Variants in ZNF780B observed in about 807,000 individuals in gnomAD.
ZNF780B encodes the protein zinc finger protein 780B, also known as zinc finger protein 779.
Under a neutral mutation model 74.1 loss-of-function variants are expected in ZNF780B, and 52 were observed. The ratio of observed to expected loss-of-function variants is 0.70; its 90% CI spans 0.56 to 0.88. The LOEUF is 0.88. Ranked by LOEUF, ZNF780B falls within the 40% of genes least tolerant of loss-of-function variation. ZNF780B has a pLI of 0.00. For synonymous variants in ZNF780B, 315 were observed against 324.3 expected (o/e 0.97, Z 0.31); for missense variants, 953 against 1,007.6 (o/e 0.95, Z 0.73).
intron 4 of ZNF780B, among the ~76,000 whole-genome samples, chr19:40,045,920 G>A (rs538196639): frequency 3.3e-5 from 5 of 152,108 alleles, no homozygotes; most frequent in African/African-American, 4.8e-5. Flanking sequence ...CCCAGGAGGT[G>A]GAGGTTGCAG....
Position 40,032,333 on chromosome 19 carries a change from GAGCATACTTTC to G in ZNF780B, c.*2013_*2023del, listed in dbSNP as rs1972037727. ...GATTCTGATACCCACCATAATTTGA[GAGCATACTTTC>G]ATGGGGTTTCCATGCTACAATACAC... On this transcript the variant is annotated 3_prime_UTR_variant, in exon 5 of 5. Coordinates refer to ENST00000434248, the MANE Select transcript of ZNF780B (RefSeq NM_001005851.3). 3 of 378,570 alleles carry G rather than the reference GAGCATACTTTC, an allele frequency of 7.9e-6. No individual in the cohort carries two copies. Among genetic ancestry groups the G allele is most frequent in the Non-Finnish European group, 1.5e-5 (3 of 195,816 alleles). 23.5% of individuals were successfully genotyped at this position (378,570 alleles called of 1,614,324 possible). A position where few individuals can be genotyped will look rare whatever the true frequency, so the allele number is the denominator to read the frequency against.
At chr19:40,051,491 A>G (rs1481999458) in intron 1 of ZNF780B, among the ~76,000 whole-genome samples, 1 of 152,192 alleles carries the variant, frequency 6.6e-6, no homozygotes, top group East Asian at 1.9e-4. Flanking sequence ...GTATGTTAGT[A>G]CAATTTCTAA....
At chr19:40,039,752 A>G (rs1172429633) in intron 4 of ZNF780B, among the ~76,000 whole-genome samples, 1 of 152,194 alleles carries the variant, frequency 6.6e-6, no homozygotes, top group Non-Finnish European at 1.5e-5. Flanking sequence ...ATTTTTGTAC[A>G]TTGATTTTGT....
chr19:40,042,069 G>A (rs1452053705), intron 4 of ZNF780B, among the ~76,000 whole-genome samples: 2 of 152,094 alleles, frequency 1.3e-5, no homozygotes, highest in East Asian at 3.9e-4. Context: ...CATGTTTAGT[G>A]CTTCCTTCAG....
chr19:40,034,509 T>TA lies in ZNF780B; in HGVS notation c.2349dup (p.Lys784Ter). ...AGTCTAAAAGCCTTCCCACACTCCT[T>TA]ACATTCATAGGGTTTCTCACCAGTA... On this transcript the variant is annotated frameshift_variant, in exon 5 of 5. Transcript: ENST00000434248. LOFTEE classifies it high-confidence loss of function. The TA allele has an allele frequency of 6.2e-7, 1 of 1,613,706 alleles. No individual in the cohort carries two copies. Among genetic ancestry groups the TA allele is most frequent in the South Asian group, 1.1e-5 (1 of 91,056 alleles).
intron 1 of ZNF780B, among the ~76,000 whole-genome samples, chr19:40,054,688 C>T (rs746384281): frequency 1.1e-4 from 16 of 152,170 alleles, no homozygotes; most frequent in Non-Finnish European, 2.1e-4. Flanking sequence ...AAACATTAAA[C>T]ATTTATTATT....
intron 4 of ZNF780B, among the ~76,000 whole-genome samples, chr19:40,045,254 A>T (rs192070088): frequency 6.6e-6 from 1 of 152,316 alleles, no homozygotes; most frequent in East Asian, 1.9e-4. Context: ...ATCACTGGGG[A>T]CGTCACTGTG....
intron 4 of ZNF780B, among the ~76,000 whole-genome samples, chr19:40,040,270 A>T (rs1972570131): frequency 6.6e-6 from 1 of 152,202 alleles, no homozygotes; most frequent in African/African-American, 2.4e-5. Flanking sequence ...CCACTTGATC[A>T]TGGTGGAAAA....
chr19:40,035,660 C>A lies in ZNF780B; in HGVS notation c.1199G>T (p.Arg400Leu). The A allele has an allele frequency of 2.5e-6, 4 of 1,613,798 alleles. No homozygotes were observed. The highest frequency in any genetic ancestry group is 3.4e-6 in the Non-Finnish European group (4 of 1,179,966). Reference protein sequence around the residue: ...ECKECGKSFNRSSNLIQHQSI... With the variant: ...ECKECGKSFNLSSNLIQHQSI... ...CTGGTGTTGAATAAGGTTTGAACTACGATTAAAGGACTTCCCACATTCTTT... is the reference window on the plus strand; with the variant it reads ...CTGGTGTTGAATAAGGTTTGAACTAAGATTAAAGGACTTCCCACATTCTTT... Residue 400 changes from arginine (R) to leucine (L), a missense_variant, in exon 5 of 5, where the codon CGT (arginine) becomes CTT (leucine). Physicochemically the swap from Arg to Leu is moderately radical, Grantham distance 102. Transcript: ENST00000434248.
intron 4 of ZNF780B, among the ~76,000 whole-genome samples, chr19:40,045,918 G>A (rs1187255717): frequency 1.3e-5 from 2 of 152,142 alleles, no homozygotes; most frequent in Non-Finnish European, 2.9e-5. Flanking sequence ...AACCCAGGAG[G>A]TGGAGGTTGC....
rs1009151445 is a variant in ZNF780B at position 40,035,900 on chromosome 19, A to G, written c.959T>C (p.Leu320Pro). The change falls in exon 5 of 5, where the codon CTC (leucine) becomes CCC (proline). Residue 320 changes from leucine (L) to proline (P), a missense_variant. Coordinates refer to ENST00000434248, the MANE Select transcript of ZNF780B (RefSeq NM_001005851.3). ...AGTATGAATTCGGCAATGTTCAATG[A>G]GTTGGTAATGATATCGAAAGGCCAT... is the stretch of plus-strand genomic sequence containing the variant. ...CEMAFRYHYQ[L>P]IEHCRIHTGE... is the part of the protein sequence containing the mutation. 4 of 1,613,278 alleles carry G rather than the reference A, an allele frequency of 2.5e-6. No individual in the cohort carries two copies. In the African/African-American group the frequency reaches 5.4e-5, roughly 22 times the overall value.
At position 40,034,220 on chromosome 19, in the gene ZNF780B, A is replaced by G; in HGVS notation, c.*137T>C. 1.3e-6 allele frequency: 1 copy of G among 762,654 alleles called. No individual in the cohort carries two copies. Among genetic ancestry groups the G allele is most frequent in the Non-Finnish European group, 2.2e-6 (1 of 459,342 alleles). The allele number at this position is 762,654 out of a possible 1,614,324, so 47.2% of individuals were successfully genotyped here. A position where few individuals can be genotyped will look rare whatever the true frequency, so the allele number is the denominator to read the frequency against. On this transcript the variant is annotated 3_prime_UTR_variant, in exon 5 of 5. Coordinates refer to ENST00000434248, the MANE Select transcript of ZNF780B (RefSeq NM_001005851.3). ...CAGTATGAATTCTCTGATGTACTCTAAGGTTTCTACCACTGGTAAAGCATT... is the reference window on the plus strand; with the variant it reads ...CAGTATGAATTCTCTGATGTACTCTGAGGTTTCTACCACTGGTAAAGCATT...
At position 40,036,169 on chromosome 19, in the gene ZNF780B, A is replaced by C. The variant is rs373997141; in HGVS notation, c.690T>G (p.Phe230Leu). 1.2e-6 allele frequency: 2 copies of C among 1,613,966 alleles called. No homozygotes were observed. Among genetic ancestry groups the C allele is most frequent in the Non-Finnish European group, 1.7e-6 (2 of 1,179,964 alleles). The change falls in exon 5 of 5, where the codon TTT becomes TTG. Residue 230 changes from phenylalanine (F) to leucine (L), a missense_variant. Coordinates refer to ENST00000434248, the MANE Select transcript of ZNF780B (RefSeq NM_001005851.3). ...GGCGATTAAGCTGGGTGGGAAGATT[A>C]AAGGCTTTTCCACATTCCTTACATT... ...TFECKECGKAFNLPTQLNRHK... is the reference protein window; with the variant it reads ...TFECKECGKALNLPTQLNRHK...
chr19:40,045,713 C>T (rs189114738), intron 4 of ZNF780B, among the ~76,000 whole-genome samples: 193 of 152,196 alleles, frequency 1.3e-3, no homozygotes, highest in African/African-American at 4.1e-3. Context: ...TCAGACTGGG[C>T]GCAGTGGCTC....
intron 4 of ZNF780B, among the ~76,000 whole-genome samples, chr19:40,046,147 T>TA (rs1235419858): frequency 6.6e-6 from 1 of 152,142 alleles, no homozygotes; most frequent in Admixed American, 6.5e-5. Context: ...GTTACAAACA[T>TA]ACAGTTAAAT....
chr19:40,049,963 C>A (rs1391955852), intron 2 of ZNF780B, among the ~76,000 whole-genome samples: 1 of 151,908 alleles, frequency 6.6e-6, no homozygotes, highest in Non-Finnish European at 1.5e-5. Context: ...TGTGGGAGGC[C>A]AAGGCAGGGG....
intron 4 of ZNF780B, among the ~76,000 whole-genome samples, chr19:40,036,956 T>G (rs1376611035): frequency 6.6e-6 from 1 of 151,824 alleles, no homozygotes; most frequent in Non-Finnish European, 1.5e-5. Flanking sequence ...TCGCCCAGGC[T>G]GCAGTGCAAT....
chr19:40,050,252 GT>G, intron 2 of ZNF780B, 71 bp downstream of exon 2: 1 of 1,318,756 alleles, frequency 7.6e-7, no homozygotes, highest in South Asian at 1.2e-5. Context: ...GAAGGTTCAG[GT>G]TTAATAATAA....
chr19:40,041,990 T>C (rs1449059475), intron 4 of ZNF780B, among the ~76,000 whole-genome samples: 1 of 152,244 alleles, frequency 6.6e-6, no homozygotes, highest in Non-Finnish European at 1.5e-5. Context: ...TGATGCAGTT[T>C]CTTCCTAGCC....
Sources: gnomAD v4.1 joint callset for allele counts (sites outside exome capture counted in the v4.1 genomes callset) on GRCh38, gnomAD v4.1.1 for gene constraint, MANE v1.5 for transcripts, NCBI Gene and HGNC (gene_info 2026-07-23, HGNC 2026-07-21) for gene names.